The following CACNA2D1 variants were observed in gnomAD, a reference collection of about 807,000 sequenced individuals.
CACNA2D1 encodes voltage-dependent calcium channel subunit alpha-2/delta-1.
In CACNA2D1, 53 loss-of-function variants were observed where a neutral mutation model predicts 171.5. The observed-to-expected ratio is 0.31, with a 90% CI of 0.25 to 0.39. The LOEUF is 0.39. Among genes scored for constraint, CACNA2D1 ranks in the 10% least tolerant of loss-of-function variants. The pLI is 1.00. For synonymous variants in CACNA2D1, 442 were observed against 443.1 expected, an observed-to-expected ratio of 1.00 and a Z score of 0.03; for missense variants, 903 against 1,299.8, an observed-to-expected ratio of 0.69 and a Z score of 4.69.
At chr7:82,232,641 A>G (rs536915388) in intron 3 of CACNA2D1, among the ~76,000 whole-genome samples, 152 of 152,032 alleles carry the variant, frequency 1.0e-3, no homozygotes, top group African/African-American at 3.4e-3. Flanking sequence ...CGAGGTGGGC[A>G]GATCACGAGG....
intron 3 of CACNA2D1, among the ~76,000 whole-genome samples, chr7:82,239,532 T>C (rs561616843): frequency 5.3e-5 from 8 of 152,328 alleles, no homozygotes; most frequent in Non-Finnish European, 1.2e-4. Context: ...ATGTATTTAT[T>C]GCAGTAAATT....
intron 7 of CACNA2D1, among the ~76,000 whole-genome samples, chr7:82,069,962 C>T (rs963421101): frequency 6.6e-6 from 1 of 151,956 alleles, no homozygotes; most frequent in Admixed American, 6.6e-5. Flanking sequence ...ATTGGTGGAC[C>T]ATTATTTTCG....
intron 12 of CACNA2D1, among the ~76,000 whole-genome samples, chr7:82,018,648 AATT>A (rs1235791532): frequency 1.3e-5 from 2 of 152,186 alleles, no homozygotes. Context: ...ATAGTTATAT[AATT>A]GTAAAAGCAA....
At chr7:82,203,883 C>A (rs1390464075) in intron 3 of CACNA2D1, among the ~76,000 whole-genome samples, 1 of 152,134 alleles carries the variant, frequency 6.6e-6, no homozygotes. Flanking sequence ...TGGAAAATGA[C>A]CCCCCAAACT....
intron 2 of CACNA2D1, among the ~76,000 whole-genome samples, chr7:82,347,879 G>C (rs535924993): frequency 6.6e-6 from 1 of 152,010 alleles, no homozygotes; most frequent in East Asian, 1.9e-4. Context: ...ACTCTTCTTA[G>C]TAATCTATCC....
At chr7:82,409,054 T>C (rs1827371422) in intron 1 of CACNA2D1, among the ~76,000 whole-genome samples, 1 of 152,048 alleles carries the variant, frequency 6.6e-6, no homozygotes, top group Non-Finnish European at 1.5e-5. Flanking sequence ...TATTGAACTA[T>C]TGTACCTAGC....
chr7:82,263,083 C>T (rs981643192), intron 3 of CACNA2D1, among the ~76,000 whole-genome samples: 4 of 148,906 alleles, frequency 2.7e-5, no homozygotes, highest in Admixed American at 6.8e-5. Context: ...TATGAAGGCT[C>T]CTATGTCACA....
At chr7:82,281,851 T>C (rs6976750) in intron 3 of CACNA2D1, among the ~76,000 whole-genome samples, 49,722 of 151,996 alleles carry the variant, frequency 0.33, 8,216 homozygotes, top group African/African-American at 0.35. Flanking sequence ...GACAATTCCC[T>C]TTATAAATGT....
intron 5 of CACNA2D1, among the ~76,000 whole-genome samples, chr7:82,121,392 A>G (rs1789716410): frequency 6.6e-6 from 1 of 152,148 alleles, no homozygotes; most frequent in African/African-American, 2.4e-5. Flanking sequence ...TCTTGGATCA[A>G]TGAGAATGAA....
chr7:82,240,898 T>G (rs1339720986), intron 3 of CACNA2D1, among the ~76,000 whole-genome samples: 2 of 150,112 alleles, frequency 1.3e-5, no homozygotes, highest in Non-Finnish European at 3.0e-5. Context: ...ACCCGAGAGG[T>G]GGAGGTTGCA....
intron 5 of CACNA2D1, among the ~76,000 whole-genome samples, chr7:82,124,198 G>T (rs928684588): frequency 6.6e-6 from 1 of 152,020 alleles, no homozygotes; most frequent in Non-Finnish European, 1.5e-5. Context: ...AGGAGAATAG[G>T]GTTTAGAGGC....
At chr7:82,064,029 T>C (rs1001027579) in intron 9 of CACNA2D1, among the ~76,000 whole-genome samples, 1 of 151,918 alleles carries the variant, frequency 6.6e-6, no homozygotes, top group Non-Finnish European at 1.5e-5. Context: ...CCGAACAAGT[T>C]CCAACATTAA....
intron 3 of CACNA2D1, among the ~76,000 whole-genome samples, chr7:82,334,779 A>G (rs1217613317): frequency 6.6e-6 from 1 of 152,114 alleles, no homozygotes; most frequent in Non-Finnish European, 1.5e-5. Flanking sequence ...GAGGATGATA[A>G]TATTCTGGGT....
chr7:82,220,312 A>AT (rs1801608709), intron 3 of CACNA2D1, among the ~76,000 whole-genome samples: 1 of 152,196 alleles, frequency 6.6e-6, no homozygotes, highest in Non-Finnish European at 1.5e-5. Flanking sequence ...TTATATTCAA[A>AT]TATCAATGTA....
chr7:82,256,855 C>T (rs1262830005), intron 3 of CACNA2D1, among the ~76,000 whole-genome samples: 2 of 152,090 alleles, frequency 1.3e-5, no homozygotes, highest in African/African-American at 4.8e-5. Flanking sequence ...ATACATTTCA[C>T]AAAAGAATTT....
intron 3 of CACNA2D1, among the ~76,000 whole-genome samples, chr7:82,215,977 A>T (rs1244094988): frequency 6.6e-6 from 1 of 152,212 alleles, no homozygotes; most frequent in East Asian, 1.9e-4. Context: ...ACACAAAATA[A>T]ATCTTAATTG....
chr7:82,367,222 T>C (rs1001419691), intron 1 of CACNA2D1, among the ~76,000 whole-genome samples: 3 of 152,098 alleles, frequency 2.0e-5, no homozygotes, highest in Non-Finnish European at 4.4e-5. Context: ...TTTTGACTTT[T>C]TAAATATCCA....
chr7:82,273,665 T>C (rs772600946), intron 3 of CACNA2D1, among the ~76,000 whole-genome samples: 112 of 152,208 alleles, frequency 7.4e-4, no homozygotes, highest in Non-Finnish European at 1.4e-3. Context: ...TTTTATTTCA[T>C]TTTTATATTT....
intron 18 of CACNA2D1, among the ~76,000 whole-genome samples, chr7:82,000,420 C>T (rs1206971047): frequency 5.3e-5 from 8 of 152,048 alleles, no homozygotes; most frequent in Non-Finnish European, 7.4e-5. Flanking sequence ...AAACTAGTGA[C>T]TAGTTCAATT....
Sources: gnomAD v4.1 joint callset for allele counts (sites outside exome capture counted in the v4.1 genomes callset) on GRCh38, gnomAD v4.1.1 for gene constraint, MANE v1.5 for transcripts, NCBI Gene and HGNC (gene_info 2026-07-23, HGNC 2026-07-21) for gene names.